Variants in DOCK3 observed in about 807,000 individuals in gnomAD.
DOCK3 encodes dedicator of cytokinesis protein 3.
DOCK3 carries 60 observed loss-of-function variants against 265.6 expected under a neutral mutation model. That is an observed-to-expected ratio of 0.23 (90% CI 0.18 to 0.28). The LOEUF is 0.28. DOCK3 is among the 10% of genes least tolerant of loss of function. The pLI, the probability that DOCK3 is intolerant of heterozygous loss-of-function variation, is 1.00. For missense variants in DOCK3, 1,981 were observed against 2,594.3 expected (o/e 0.76, Z 5.14); for synonymous variants, 881 against 938.0 (o/e 0.94, Z 1.11).
At chr3:51,239,647 G>A (rs938520506) in intron 21 of DOCK3, among the ~76,000 whole-genome samples, 20 of 149,176 alleles carry the variant, frequency 1.3e-4, no homozygotes, top group African/African-American at 4.2e-4. Context: ...TTATTGGTCT[G>A]TTTGGGGATT....
chr3:51,114,389 A>G (rs1369223434), intron 9 of DOCK3, among the ~76,000 whole-genome samples: 1 of 152,234 alleles, frequency 6.6e-6, no homozygotes, highest in Non-Finnish European at 1.5e-5. Context: ...TCCTGTGGCC[A>G]ACATTATTTC....
rs572216767 is a variant in DOCK3, at chr3:50,851,913, C to A, written c.162+10198C>A. Among the ~76,000 whole-genome samples the A allele has an allele frequency of 3.9e-5, 6 of 152,326 alleles. No homozygotes were observed. The South Asian group carries it at 8.3e-4, about 21-fold the overall frequency. Reference sequence around the variant, plus strand: ...TTGTATGCACCTGGATTAAAAACGACATTCTGCTCTTGGGCCTGGGCCTGG... The same window carrying A: ...TTGTATGCACCTGGATTAAAAACGAAATTCTGCTCTTGGGCCTGGGCCTGG... On this transcript the variant is annotated intron_variant, in intron 3 of 52. Coordinates refer to ENST00000266037, the MANE Select transcript of DOCK3 (RefSeq NM_004947.5).
chr3:50,890,202 C>T, intron 4 of DOCK3, 121 bp downstream of exon 4: 1 of 641,222 alleles, frequency 1.6e-6, no homozygotes, highest in Non-Finnish European at 2.4e-6. Flanking sequence ...CAAAAATGTA[C>T]ATGCTTTATC....
intron 5 of DOCK3, among the ~76,000 whole-genome samples, chr3:50,987,254 A>G (rs1481208000): frequency 6.6e-6 from 1 of 152,206 alleles, no homozygotes; most frequent in East Asian, 1.9e-4. Flanking sequence ...TTTAATATTT[A>G]CAAATTCTGT....
intron 5 of DOCK3, among the ~76,000 whole-genome samples, chr3:51,009,060 G>A (rs1276364339): frequency 2.0e-5 from 3 of 152,150 alleles, no homozygotes; most frequent in Non-Finnish European, 4.4e-5. Context: ...GTTCATCAGG[G>A]ATATTAGTCT....
chr3:51,378,853 C>T (rs782139161), intron 51 of DOCK3, among the ~76,000 whole-genome samples: 12 of 152,166 alleles, frequency 7.9e-5, no homozygotes, highest in Non-Finnish European at 1.2e-4. Context: ...TTCCTGGGCC[C>T]ACTGCACCCC....
chr3:51,061,958 A>G (rs1331358102), intron 5 of DOCK3, among the ~76,000 whole-genome samples: 1 of 152,186 alleles, frequency 6.6e-6, no homozygotes, highest in Non-Finnish European at 1.5e-5. Context: ...TACTCTGTTC[A>G]TAACCCACAT....
chr3:50,790,681 A>G (rs1196187500), intron 2 of DOCK3, among the ~76,000 whole-genome samples: 1 of 152,068 alleles, frequency 6.6e-6, no homozygotes, highest in Non-Finnish European at 1.5e-5. Context: ...CTGCTGAGAA[A>G]TCTGCTTTTA....
chr3:50,747,365 G>A (rs530042587), intron 1 of DOCK3, among the ~76,000 whole-genome samples: 1 of 152,176 alleles, frequency 6.6e-6, no homozygotes, highest in Admixed American at 6.5e-5. Context: ...TTTTGATTGG[G>A]TTGATTAAAA....
chr3:50,883,238 C>T (rs962739258), intron 3 of DOCK3, among the ~76,000 whole-genome samples: 3 of 151,740 alleles, frequency 2.0e-5, no homozygotes, highest in Non-Finnish European at 4.4e-5. Context: ...GCACGTTGTG[C>T]ACATGTACCC....
chr3:51,309,629 GC>G (rs1387296038), intron 27 of DOCK3, among the ~76,000 whole-genome samples: 1 of 1,820 alleles, frequency 5.5e-4, no homozygotes, highest in African/African-American at 5.6e-3. Context: ...GAGAGCGAGA[GC>G]GAGAGCGAGA....
rs150600331 is a variant in DOCK3, at chr3:50,758,570, C to A, written c.38-20105C>A. The stretch of plus-strand genomic sequence containing the variant: ...CTGAAAGTGTACAGTTCTGCAGCAT[C>A]AAGTACATACATACTGTTGTTAAAT... On this transcript the variant is annotated intron_variant, in intron 1 of 52. Transcript: ENST00000266037. Among the ~76,000 whole-genome samples the A allele has an allele frequency of 4.9e-3, 740 of 152,270 alleles. 4 individuals carry two copies. Among genetic ancestry groups the A allele is most frequent in the Non-Finnish European group, 7.7e-3 (525 of 68,016 alleles).
In DOCK3 at chr3:51,375,749, C is replaced by T. The variant is rs767361798; in HGVS notation, c.5414C>T (p.Pro1805Leu). 102 of 1,613,830 alleles carry T rather than the reference C, an allele frequency of 6.3e-5. No individual in the cohort carries two copies. The East Asian group carries it at 1.7e-3, about 26-fold the overall frequency. The change falls in exon 51 of 53, where the codon CCG (proline) becomes CTG (leucine). Residue 1805 changes from proline to leucine, a missense_variant and splice_region_variant. Physicochemically the swap from Pro to Leu is moderately conservative, Grantham distance 98 (BLOSUM62 -3). Transcript: ENST00000266037. Reference sequence around the variant, plus strand: ...GTAATGTTTATCTCCTTCCTTCAGCCGCCGAATTTCCAGCGAGCCCTGTTC... The same window carrying T: ...GTAATGTTTATCTCCTTCCTTCAGCTGCCGAATTTCCAGCGAGCCCTGTTC... ...YPAAILENGQ[P>L]PNFQRALFQQ... is the part of the protein sequence containing the mutation.
chr3:50,727,720 G>A (rs1362545619), intron 1 of DOCK3, among the ~76,000 whole-genome samples: 2 of 151,914 alleles, frequency 1.3e-5, no homozygotes, highest in East Asian at 3.9e-4. Flanking sequence ...AAACAAAAAA[G>A]GATGAAAGGG....
chr3:51,018,471 A>T (rs2079450788), intron 5 of DOCK3, among the ~76,000 whole-genome samples: 1 of 151,514 alleles, frequency 6.6e-6, no homozygotes, highest in Non-Finnish European at 1.5e-5. Flanking sequence ...ATTAAAAAAA[A>T]AAAAGAACAC....
At chr3:51,148,951 G>A (rs1212941057) in intron 10 of DOCK3, among the ~76,000 whole-genome samples, 7 of 152,248 alleles carry the variant, frequency 4.6e-5, no homozygotes, top group Non-Finnish European at 1.0e-4. Context: ...CCATTTTCAC[G>A]ATACTGATTC....
In DOCK3 at chr3:50,890,060, A is replaced by T. The variant is rs563824066; in HGVS notation, c.197A>T (p.Lys66Met). ...IFPANYIHLKKAIVSNRGQYE... is the reference protein window; with the variant it reads ...IFPANYIHLKMAIVSNRGQYE... ...CCTGCAAATTACATTCACTTGAAAA[A>T]GGCAATTGTCAGTAATAGGGGGTGA... The change falls in exon 4 of 53, where the codon AAG (lysine) becomes ATG (methionine). Residue 66 changes from lysine (K) to methionine (M), a missense_variant. By Grantham distance (95) the Lys-to-Met change is moderately conservative. This residue lies in a region of DOCK3 where 456 missense variants were observed against 539.0 expected (regional missense o/e 0.85). Coordinates refer to ENST00000266037, the MANE Select transcript of DOCK3 (RefSeq NM_004947.5). 6.3e-6 allele frequency: 9 copies of T among 1,427,402 alleles called. No homozygotes were observed. The highest frequency in any genetic ancestry group is 3.2e-5 in the Admixed American group (1 of 31,696). The allele number at this position is 1,427,402 out of a possible 1,614,324, so 88.4% of individuals were successfully genotyped here. A position where few individuals can be genotyped will look rare whatever the true frequency, so the allele number is the denominator to read the frequency against.
In DOCK3 at chr3:51,015,734, TATATATATCATATATTTCTATATATG is replaced by T. The variant is rs2079126616; in HGVS notation, c.316-48705_316-48680del. Among the ~76,000 whole-genome samples, 38 of 22,702 alleles carry T rather than the reference TATATATATCATATATTTCTATATATG, an allele frequency of 1.7e-3. 18 individuals are homozygous for T. The highest frequency in any genetic ancestry group is 0.011 in the African/African-American group (36 of 3,150). The allele number at this position is 22,702 out of a possible 152,430, so 14.9% of individuals were successfully genotyped here. On this transcript the variant is annotated intron_variant, in intron 5 of 52. Transcript: ENST00000266037. ...AGGAATAGTTTGATTAGGATTGATA[TATATATATCATATATTTCTATATATG>T]ATATATATATCATATATTTCTATAT...
chr3:50,790,461 C>G (rs1447339596), intron 2 of DOCK3, among the ~76,000 whole-genome samples: 1 of 124,622 alleles, frequency 8.0e-6, no homozygotes, highest in African/African-American at 2.8e-5. Flanking sequence ...GTTTTTGTTT[C>G]AATATTTAGA....
Sources: gnomAD v4.1 joint callset for allele counts (sites outside exome capture counted in the v4.1 genomes callset) on GRCh38, gnomAD v4.1.1 for gene constraint, gnomAD v4.1.1 regional missense constraint, MANE v1.5 for transcripts, NCBI Gene and HGNC (gene_info 2026-07-23, HGNC 2026-07-21) for gene names.